GCH1: variants seen among roughly 807,000 people sequenced by gnomAD.
GCH1 encodes the protein GTP cyclohydrolase 1, also known as GTP cyclohydrolase I.
In GCH1, 5 loss-of-function variants were observed where a neutral mutation model predicts 25.9. That is an observed-to-expected ratio of 0.19 (90% CI 0.10 to 0.41). GCH1 has a LOEUF of 0.41. Ranked by LOEUF, GCH1 falls within the 10% of genes least tolerant of loss-of-function variation. GCH1 has a pLI of 1.00. For synonymous variants in GCH1, 159 were observed against 129.6 expected (o/e 1.23, Z -1.54); for missense variants, 261 against 336.5 (o/e 0.78, Z 1.75).
intron 3 of GCH1, among the ~76,000 whole-genome samples, chr14:54,855,724 G>GA (rs1170334781): frequency 6.6e-6 from 1 of 151,650 alleles, no homozygotes; most frequent in Non-Finnish European, 1.5e-5. Flanking sequence ...TGAGGCAGGA[G>GA]AATCACTTGA....
intron 1 of GCH1, among the ~76,000 whole-genome samples, chr14:54,872,951 G>T (rs990726550): frequency 2.0e-5 from 3 of 151,416 alleles, no homozygotes; most frequent in African/African-American, 7.3e-5. Context: ...CAAAGAGACA[G>T]AAAGTTAACA....
At position 54,842,049 on chromosome 14, in the gene GCH1, C is replaced by T. The variant is rs528846051; in HGVS notation, c.*1968G>A. On this transcript the variant is annotated 3_prime_UTR_variant, in exon 6 of 6. Coordinates refer to ENST00000491895, the MANE Select transcript of GCH1 (RefSeq NM_000161.3). The stretch of plus-strand genomic sequence containing the variant: ...CAATAGTTTAATAATTTAAATAGGA[C>T]CACCTTCAGGAACATACATACTCAT... The T allele has an allele frequency of 4.7e-4, 72 of 152,238 alleles. No individual in the cohort carries two copies. The highest frequency in any genetic ancestry group is 1.7e-3 in the African/African-American group (69 of 41,546). 9.4% of individuals were successfully genotyped at this position (152,238 alleles called of 1,614,324 possible). A position where few individuals can be genotyped will look rare whatever the true frequency, so the allele number is the denominator to read the frequency against.
intron 2 of GCH1, among the ~76,000 whole-genome samples, chr14:54,862,830 T>A (rs1488347895): frequency 1.3e-5 from 2 of 152,042 alleles, no homozygotes; most frequent in African/African-American, 2.4e-5. Context: ...TTATAGGAAA[T>A]CCAGAGGCTG....
intron 3 of GCH1, among the ~76,000 whole-genome samples, chr14:54,856,632 T>C (rs929567124): frequency 2.0e-5 from 3 of 152,098 alleles, no homozygotes; most frequent in African/African-American, 4.8e-5. Context: ...TTGGTATTTT[T>C]AGTAGAGATG....
intron 4 of GCH1, among the ~76,000 whole-genome samples, chr14:54,846,099 C>T (rs892387651): frequency 6.6e-5 from 10 of 152,020 alleles, no homozygotes; most frequent in African/African-American, 1.7e-4. Flanking sequence ...AGCATCACTG[C>T]GGGAAGGAAT....
At chr14:54,895,549 ATCAAGGCCC>A (rs2040473230) in intron 1 of GCH1, among the ~76,000 whole-genome samples, 1 of 152,326 alleles carries the variant, frequency 6.6e-6, no homozygotes, top group East Asian at 1.9e-4. Flanking sequence ...GGGCATGAAG[ATCAAGGCCC>A]TCAGAGAATA....
chr14:54,850,858 T>A (rs1025536475), intron 3 of GCH1, among the ~76,000 whole-genome samples: 4 of 152,232 alleles, frequency 2.6e-5, no homozygotes, highest in Non-Finnish European at 5.9e-5. Flanking sequence ...AGTGCCACAT[T>A]TTCTTAATCC....
chr14:54,892,385 A>G lies in GCH1; in HGVS notation c.343+9936T>C, dbSNP rs145121345. Among the ~76,000 whole-genome samples the G allele has an allele frequency of 9.4e-3, 1,436 of 152,334 alleles. 28 individuals are homozygous for G. Among genetic ancestry groups the G allele is most frequent in the African/African-American group, 0.032 (1,349 of 41,570 alleles). On this transcript the variant is annotated intron_variant, in intron 1 of 5. Coordinates refer to ENST00000491895, the MANE Select transcript of GCH1 (RefSeq NM_000161.3). ...TTAAAATATAATATGTGTTGAGAAT[A>G]TACAACATTGTACAGAATGAATTAC...
intron 1 of GCH1, among the ~76,000 whole-genome samples, chr14:54,886,554 G>A (rs1359304444): frequency 2.6e-5 from 4 of 152,198 alleles, no homozygotes; most frequent in Admixed American, 6.5e-5. Context: ...GGAGCTTGCA[G>A]TGAGCCGAGA....
chr14:54,881,031 G>A (rs1253155865), intron 1 of GCH1, among the ~76,000 whole-genome samples: 1 of 151,180 alleles, frequency 6.6e-6, no homozygotes, highest in East Asian at 1.9e-4. Flanking sequence ...CTCCATGTTG[G>A]TCAGGCTGGT....
intron 1 of GCH1, among the ~76,000 whole-genome samples, chr14:54,868,646 G>C (rs1594992672): frequency 6.6e-6 from 1 of 152,108 alleles, no homozygotes; most frequent in African/African-American, 2.4e-5. Context: ...CTGTCGCCCA[G>C]GCTGGAGTGC....
intron 2 of GCH1, among the ~76,000 whole-genome samples, chr14:54,864,134 T>A (rs1354164442): frequency 1.3e-5 from 2 of 152,144 alleles, no homozygotes; most frequent in Non-Finnish European, 2.9e-5. Flanking sequence ...AGTGCTGGGA[T>A]TACAGGCATG....
At chr14:54,883,656 G>A in intron 1 of GCH1, among the ~76,000 whole-genome samples, 1 of 152,128 alleles carries the variant, frequency 6.6e-6, no homozygotes, top group Non-Finnish European at 1.5e-5. Context: ...TCCAGCCTGG[G>A]AGACAGAGCA....
At chr14:54,862,080 G>A (rs942190408) in intron 2 of GCH1, among the ~76,000 whole-genome samples, 8 of 152,112 alleles carry the variant, frequency 5.3e-5, no homozygotes, top group Non-Finnish European at 7.3e-5. Flanking sequence ...CCAGGTTGGG[G>A]TACAGTGGCA....
At chr14:54,897,930 C>T (rs967453687) in intron 1 of GCH1, among the ~76,000 whole-genome samples, 6 of 152,294 alleles carry the variant, frequency 3.9e-5, no homozygotes, top group South Asian at 4.1e-4. Flanking sequence ...ATCGCAAACA[C>T]TGAAGGAAGA....
intron 1 of GCH1, among the ~76,000 whole-genome samples, chr14:54,865,914 T>C (rs2039983498): frequency 1.3e-5 from 2 of 152,184 alleles, no homozygotes; most frequent in African/African-American, 4.8e-5. Flanking sequence ...CTATTATCAA[T>C]TCCCCAAGTA....
rs116688703 is a variant in GCH1, at chr14:54,859,666, C to T, written c.509+15G>A. 1.5e-3 allele frequency: 2,196 copies of T among 1,494,700 alleles called. 24 individuals are homozygous for T. The African/African-American group carries it at 0.027, about 18-fold the overall frequency. 92.6% of individuals were successfully genotyped at this position (1,494,700 alleles called of 1,614,324 possible). A position where few individuals can be genotyped will look rare whatever the true frequency, so the allele number is the denominator to read the frequency against. On this transcript the variant is annotated intron_variant, in intron 3 of 5. Coordinates refer to ENST00000491895, the MANE Select transcript of GCH1 (RefSeq NM_000161.3). ...TATAAACCTGTATTCTTGTTCACTG[C>T]ACAGTCACACTTACCTCGCAAGTTT...
chr14:54,888,387 C>T (rs575810948), intron 1 of GCH1, among the ~76,000 whole-genome samples: 3 of 152,304 alleles, frequency 2.0e-5, no homozygotes, highest in Non-Finnish European at 4.4e-5. Context: ...CCTACTGCCT[C>T]TCCCTTCAGA....
At chr14:54,888,679 A>ATTTT (rs58982226) in intron 1 of GCH1, among the ~76,000 whole-genome samples, 57 of 138,462 alleles carry the variant, frequency 4.1e-4, no homozygotes, top group Non-Finnish European at 7.5e-4. Flanking sequence ...CGCCCGGCTA[A>ATTTT]TTTTTTTTTT....
Sources: allele counts gnomAD v4.1 joint callset (sites outside exome capture counted in the v4.1 genomes callset), GRCh38; gene constraint gnomAD v4.1.1; transcripts MANE v1.5; gene names NCBI Gene and HGNC (gene_info 2026-07-23, HGNC 2026-07-21).